The following NR4A1 variants were observed in gnomAD, a reference collection of about 807,000 sequenced individuals.
The protein encoded by NR4A1 is nuclear receptor subfamily 4 group A member 1, also known as nuclear receptor subfamily 4immunitygroup A member 1.
NR4A1 carries 24 observed loss-of-function variants against 47.5 expected under a neutral mutation model. The ratio of observed to expected loss-of-function variants is 0.50; its 90% CI spans 0.37 to 0.71. The LOEUF is 0.71. NR4A1 is among the 30% of genes least tolerant of loss of function. The probability of loss-of-function intolerance (pLI) is 0.00; values close to 1 mark genes in which losing one functional copy is unlikely to be tolerated. For synonymous variants in NR4A1, 353 were observed against 345.7 expected (o/e 1.02, Z -0.24); for missense variants, 669 against 788.6 (o/e 0.85, Z 1.82).
intron 1 of NR4A1, chr12:52,041,778 T>C: frequency 7.8e-7 from 1 of 1,288,756 alleles, no homozygotes; most frequent in Non-Finnish European, 9.9e-7. Context: ...CTGGCTGGTT[T>C]CTCTTCACTC....
chr12:52,051,177 C>G (rs1235235110), upstream of NR4A1, among the ~76,000 whole-genome samples: 12 of 152,194 alleles, frequency 7.9e-5, no homozygotes, highest in Admixed American at 3.3e-4. Flanking sequence ...CGCGAGGAGC[C>G]TATTTATAGA....
In NR4A1 at chr12:52,054,606, C is replaced by G; in HGVS notation, c.278C>G (p.Ala93Gly). 6.2e-7 allele frequency: 1 copy of G among 1,614,172 alleles called. No homozygotes were observed. The highest frequency in any genetic ancestry group is 8.5e-7 in the Non-Finnish European group (1 of 1,180,036). The change falls in exon 2 of 7, where the codon GCC (alanine) becomes GGC (glycine). Residue 93 changes from alanine to glycine, a missense_variant. By Grantham distance (60) the Ala-to-Gly change is moderately conservative (BLOSUM62 0). Coordinates refer to ENST00000394825, the MANE Select transcript of NR4A1 (RefSeq NM_173157.3). ...GCCTCCTCCACATCCTCGTCCTCAG[C>G]CACCTCCCCTGCCTCTGCCTCCTTC... is the stretch of plus-strand genomic sequence containing the variant. ...SSASSTSSSS[A>G]TSPASASFKF...
At position 52,037,499 on chromosome 12, in the gene NR4A1, G is replaced by A. The variant is rs1040105316; in HGVS notation, c.-83-4311G>A. The stretch of plus-strand genomic sequence containing the variant: ...GCCCCGGAGAGGCCGGGCAATCTCG[G>A]GTCTTCGGTGGATGCCTTTGGGCGG... On this transcript the variant is annotated intron_variant, in intron 1 of 7. Transcript: ENST00000360284. 2.8e-5 allele frequency: 28 copies of A among 982,556 alleles called. No individual in the cohort carries two copies. The African/African-American group carries it at 4.4e-4, about 15-fold the overall frequency. 60.9% of individuals were successfully genotyped at this position (982,556 alleles called of 1,614,324 possible). A position where few individuals can be genotyped will look rare whatever the true frequency, so the allele number is the denominator to read the frequency against.
chr12:52,028,776 C>T (rs1464987329), intron 1 of NR4A1, among the ~76,000 whole-genome samples: 2 of 151,042 alleles, frequency 1.3e-5, no homozygotes, highest in African/African-American at 2.4e-5. Context: ...TGGTGGTGGG[C>T]GCTTGTAATC....
chr12:52,025,610 A>C (rs1937985402), intron 1 of NR4A1, among the ~76,000 whole-genome samples: 1 of 151,648 alleles, frequency 6.6e-6, no homozygotes, highest in South Asian at 2.1e-4. Flanking sequence ...GTTTTTCTTC[A>C]TTGCACTTCT....
intron 1 of NR4A1, among the ~76,000 whole-genome samples, chr12:52,027,596 G>A (rs999841589): frequency 1.3e-5 from 2 of 152,224 alleles, no homozygotes; most frequent in Non-Finnish European, 2.9e-5. Context: ...TGAGTCCTGT[G>A]CTAAGGGCCC....
rs1407469675 is a variant in NR4A1 at position 52,059,335 on chromosome 12, G to C, written c.*391G>C. ...GGGCAGCCTTTCCAGCCTCCTGCTG[G>C]CTCTCTCTTCCTACCCTCCTTCCAC... On this transcript the variant is annotated 3_prime_UTR_variant, in exon 7 of 7. Transcript: ENST00000394825. 1.1e-5 allele frequency: 2 copies of C among 187,838 alleles called. No homozygotes were observed. The highest frequency in any genetic ancestry group is 4.7e-5 in the African/African-American group (2 of 42,832). The allele number at this position is 187,838 out of a possible 1,614,324, so 11.6% of individuals were successfully genotyped here.
At chr12:52,058,124 C>T (rs1357155974) in intron 6 of NR4A1, among the ~76,000 whole-genome samples, 1 of 152,202 alleles carries the variant, frequency 6.6e-6, no homozygotes, top group African/African-American at 2.4e-5. Context: ...ACGCCTAGCC[C>T]TTCACTGTGA....
At chr12:52,056,999 G>A (rs1164254066) in intron 4 of NR4A1, 58 bp from the exon 5 acceptor site, 17 of 1,448,788 alleles carry the variant, frequency 1.2e-5, no homozygotes, top group East Asian at 2.5e-5. Flanking sequence ...ACAGCCATAC[G>A]TGGCAGTGGG....
upstream of NR4A1, among the ~76,000 whole-genome samples, chr12:52,049,759 G>A (rs948955735): frequency 6.6e-6 from 1 of 152,224 alleles, no homozygotes; most frequent in African/African-American, 2.4e-5. Context: ...GGCATCAGGA[G>A]CCAGGAGCAG....
At chr12:52,052,434 C>T in intron 1 of NR4A1, 1 of 973,998 alleles carries the variant, frequency 1.0e-6, no homozygotes, top group Non-Finnish European at 1.2e-6. Context: ...CCAACCATTC[C>T]AGCTCCAGAT....
At chr12:52,034,793 G>A (rs1435756039) in intron 1 of NR4A1, among the ~76,000 whole-genome samples, 1 of 152,182 alleles carries the variant, frequency 6.6e-6, no homozygotes, top group Non-Finnish European at 1.5e-5. Flanking sequence ...AAACATACTG[G>A]CTGGGCAAAG....
rs544997403 is a variant in NR4A1 at position 52,038,004 on chromosome 12, G to A, written c.-83-3806G>A. 3.3e-5 allele frequency: 33 copies of A among 985,478 alleles called. No homozygotes were observed. In the African/African-American group the frequency reaches 5.6e-4, roughly 17 times the overall value. 61.0% of individuals were successfully genotyped at this position (985,478 alleles called of 1,614,324 possible). A position where few individuals can be genotyped will look rare whatever the true frequency, so the allele number is the denominator to read the frequency against. ...GTATTTCCAGACCTCCTCCATGGTG[G>A]TCTGGCTGTGTGGAGGGCAGGGCAC... On this transcript the variant is annotated intron_variant, in intron 1 of 7. Transcript: ENST00000360284.
chr12:52,023,580 C>T (rs1937933390), intron 1 of NR4A1, among the ~76,000 whole-genome samples: 1 of 151,972 alleles, frequency 6.6e-6, no homozygotes, highest in African/African-American at 2.4e-5. Flanking sequence ...GCCTCCATCT[C>T]GCGCTCCCAG....
chr12:52,055,775 A>C, intron 2 of NR4A1: 1 of 323,246 alleles, frequency 3.1e-6, no homozygotes, highest in Non-Finnish European at 5.6e-6. Context: ...ACTGCCAGGG[A>C]GACCCTGGCC....
intron 1 of NR4A1, chr12:52,038,745 T>C: frequency 1.3e-6 from 1 of 764,800 alleles, no homozygotes; most frequent in Non-Finnish European, 2.4e-6. Flanking sequence ...AGATTCTAAT[T>C]GAAGGTAACT....
Position 52,057,192 on chromosome 12 carries a change from C to T in NR4A1, c.1294C>T (p.Pro432Ser), listed in dbSNP as rs867815447. The stretch of plus-strand genomic sequence containing the variant: ...GATCCCTGGCTTTGCTGAGCTGTCA[C>T]CGGCTGACCAGGACCTGTTGCTGGA... ...EKIPGFAELS[P>S]ADQDLLLESA... Residue 432 changes from proline (P) to serine (S), a missense_variant, in exon 5 of 7, where the codon CCG becomes TCG. Physicochemically the swap from Pro to Ser is moderately conservative, Grantham distance 74. Coordinates refer to ENST00000394825, the MANE Select transcript of NR4A1 (RefSeq NM_173157.3). 2.5e-6 allele frequency: 4 copies of T among 1,614,068 alleles called. No homozygotes were observed. The East Asian group carries it at 8.9e-5, about 36-fold the overall frequency.
At chr12:52,056,887 C>A in intron 4 of NR4A1, 170 bp from the exon 5 acceptor site, 1 of 807,062 alleles carries the variant, frequency 1.2e-6, no homozygotes, top group Non-Finnish European at 1.9e-6. Flanking sequence ...GTCCTTTTGG[C>A]AGCTGCAGCC....
At chr12:52,050,059 T>C (rs1176773971), upstream of NR4A1, among the ~76,000 whole-genome samples, 1 of 151,212 alleles carries the variant, frequency 6.6e-6, no homozygotes, top group Non-Finnish European at 1.5e-5. Flanking sequence ...TGGATGGGGG[T>C]CGCAGTGGGG....
Sources: allele counts gnomAD v4.1 joint callset (sites outside exome capture counted in the v4.1 genomes callset), GRCh38; gene constraint gnomAD v4.1.1; transcripts MANE v1.5; gene names NCBI Gene and HGNC (gene_info 2026-07-23, HGNC 2026-07-21).